CD58: variants seen among roughly 807,000 people sequenced by gnomAD.
The protein encoded by CD58 is lymphocyte function-associated antigen 3.
Under a neutral mutation model 27.6 loss-of-function variants are expected in CD58, and 14 were observed. The observed-to-expected ratio is 0.51, with a 90% CI of 0.34 to 0.79. The LOEUF (loss-of-function observed/expected upper bound fraction) is 0.79, where lower values mean the gene tolerates loss of function less well. Ranked by LOEUF, CD58 falls within the 30% of genes least tolerant of loss-of-function variation. The pLI, the probability that CD58 is intolerant of heterozygous loss-of-function variation, is 0.02. For synonymous variants in CD58, 117 were observed against 103.8 expected (o/e 1.13, Z -0.77); for missense variants, 268 against 301.7 (o/e 0.89, Z 0.83).
intron 2 of CD58, among the ~76,000 whole-genome samples, chr1:116,537,097 A>G (rs2429379): frequency 0.044 from 6,736 of 152,300 alleles, 201 homozygotes; most frequent in Non-Finnish European, 0.068. Flanking sequence ...CTTTATAAAA[A>G]GTTTAAAGAT....
Position 116,522,019 on chromosome 1 carries a change from G to A in CD58, c.629-36C>T. On this transcript the variant is annotated intron_variant, in intron 3 of 5. Coordinates refer to ENST00000369489, the MANE Select transcript of CD58 (RefSeq NM_001779.3). The surrounding 1 kb of genome is among the most constrained non-coding windows in gnomAD (Gnocchi z 4.6). ...GAAAAGAAAAGAAATTCAACTAGTT[G>A]AACTGATCAAAATGGATCCTCATTA... The A allele has an allele frequency of 8.6e-7, 1 of 1,163,318 alleles. No homozygotes were observed. The highest frequency in any genetic ancestry group is 2.4e-5 in the East Asian group (1 of 41,766). The allele number at this position is 1,163,318 out of a possible 1,614,324, so 72.1% of individuals were successfully genotyped here. A position where few individuals can be genotyped will look rare whatever the true frequency, so the allele number is the denominator to read the frequency against.
rs1194757969 is a variant in CD58 at position 116,517,158 on chromosome 1, AGAGACCT to A, written c.743+2066_743+2072del. Among the ~76,000 whole-genome samples the A allele has an allele frequency of 2.0e-5, 3 of 151,216 alleles. No individual in the cohort carries two copies. The highest frequency in any genetic ancestry group is 7.3e-5 in the African/African-American group (3 of 41,044). ...CCACTGTAACCACCTAGATCTCAGCAGAGACCTGACTTGGCTCTCACACTCACCTGGG... is the reference window on the plus strand; with the variant it reads ...CCACTGTAACCACCTAGATCTCAGCAGACTTGGCTCTCACACTCACCTGGG... On this transcript the variant is annotated intron_variant, in intron 5 of 5. Coordinates refer to ENST00000369489, the MANE Select transcript of CD58 (RefSeq NM_001779.3). This position sits in a 1 kb window ranked among gnomAD's most constrained non-coding sequence, Gnocchi z 6.5.
chr1:116,550,649 A>G lies in CD58; in HGVS notation c.71-6045T>C. 6.6e-6 allele frequency among the ~76,000 whole-genome samples: 1 copy of G among 152,130 alleles called. No individual in the cohort carries two copies. The highest frequency in any genetic ancestry group is 1.5e-5 in the Non-Finnish European group (1 of 68,022). ...TTCTTCCAAACTCCTGTTAATGTTGATATTTTGATCTTCTCCCATGAACCA... is the reference window on the plus strand; with the variant it reads ...TTCTTCCAAACTCCTGTTAATGTTGGTATTTTGATCTTCTCCCATGAACCA... On this transcript the variant is annotated intron_variant, in intron 1 of 5. Coordinates refer to ENST00000369489, the MANE Select transcript of CD58 (RefSeq NM_001779.3). The surrounding 1 kb of genome is among the most constrained non-coding windows in gnomAD (Gnocchi z 4.2).
In CD58 at chr1:116,517,996, TATTGAAA is replaced by T. The variant is rs968173337; in HGVS notation, c.743+1228_743+1234del. ...AACAATAGTCATAATGGCTAACATT[TATTGAAA>T]ACTATTATGAGCCAGCCACTATTGT... On this transcript the variant is annotated intron_variant, in intron 5 of 5. Coordinates refer to ENST00000369489, the MANE Select transcript of CD58 (RefSeq NM_001779.3). The surrounding 1 kb of genome is among the most constrained non-coding windows in gnomAD (Gnocchi z 6.5). 3.9e-5 allele frequency among the ~76,000 whole-genome samples: 6 copies of T among 152,250 alleles called. No homozygotes were observed. The highest frequency in any genetic ancestry group is 1.4e-4 in the African/African-American group (6 of 41,462).
At chr1:116,549,228 A>G (rs1658303733) in intron 1 of CD58, among the ~76,000 whole-genome samples, 1 of 152,240 alleles carries the variant, frequency 6.6e-6, no homozygotes, top group Admixed American at 6.5e-5. Flanking sequence ...GACAATGCCC[A>G]ACTGCAACTG....
chr1:116,532,560 A>T lies in CD58; in HGVS notation c.628+3405T>A, dbSNP rs1657649166. Among the ~76,000 whole-genome samples the T allele has an allele frequency of 6.6e-6, 1 of 152,220 alleles. No homozygotes were observed. The highest frequency in any genetic ancestry group is 2.1e-4 in the South Asian group (1 of 4,832). On this transcript the variant is annotated intron_variant, in intron 3 of 5. Coordinates refer to ENST00000369489, the MANE Select transcript of CD58 (RefSeq NM_001779.3). The surrounding 1 kb of genome is among the most constrained non-coding windows in gnomAD (Gnocchi z 5.1). Reference sequence around the variant, plus strand: ...CTGCAGGAGTGGTAGGAGAGGTTCTAGATCCCTGGAACCTCATCACCAGAC... The same window carrying T: ...CTGCAGGAGTGGTAGGAGAGGTTCTTGATCCCTGGAACCTCATCACCAGAC...
chr1:116,554,838 T>C (rs975420529), intron 1 of CD58, among the ~76,000 whole-genome samples: 4 of 152,188 alleles, frequency 2.6e-5, no homozygotes, highest in Admixed American at 2.6e-4. Context: ...AAGAACTGTC[T>C]CTAAAACTAA....
In CD58 at chr1:116,546,351, C is replaced by T. The variant is rs1028420639; in HGVS notation, c.71-1747G>A. 4.6e-5 allele frequency among the ~76,000 whole-genome samples: 7 copies of T among 152,126 alleles called. No individual in the cohort carries two copies. Among genetic ancestry groups the T allele is most frequent in the African/African-American group, 1.7e-4 (7 of 41,410 alleles). On this transcript the variant is annotated intron_variant, in intron 1 of 5. Transcript: ENST00000369489. The surrounding 1 kb of genome is among the most constrained non-coding windows in gnomAD (Gnocchi z 4.1). ...ATTTCAGATAAGAAGCAAATATCAC[C>T]CATTTGTTTATCTACAAGGACTTTT...
intron 1 of CD58, among the ~76,000 whole-genome samples, chr1:116,565,968 T>C (rs1006981443): frequency 5.3e-5 from 8 of 152,134 alleles, no homozygotes; most frequent in African/African-American, 1.9e-4. Flanking sequence ...CCGCCCGCCT[T>C]GGCCTCCCAA....
intron 3 of CD58, chr1:116,533,556 C>T: frequency 1.4e-6 from 1 of 719,622 alleles, no homozygotes; most frequent in East Asian, 2.8e-5. Context: ...CATCATATTC[C>T]TGGACTAATT....
At chr1:116,549,113 T>G (rs1404964725) in intron 1 of CD58, among the ~76,000 whole-genome samples, 1 of 152,226 alleles carries the variant, frequency 6.6e-6, no homozygotes, top group African/African-American at 2.4e-5. Flanking sequence ...AAATATTCAT[T>G]GGGCATCTAT....
chr1:116,540,366 T>C (rs1011113927), intron 2 of CD58, among the ~76,000 whole-genome samples: 1 of 149,384 alleles, frequency 6.7e-6, no homozygotes, highest in African/African-American at 2.5e-5. Context: ...AAAAAAAAAA[T>C]AGTATGACCA....
Position 116,544,558 on chromosome 1 carries a change from C to T in CD58, c.117G>A (p.Gly39=). The T allele has an allele frequency of 1.2e-6, 2 of 1,612,464 alleles. No homozygotes were observed. The highest frequency in any genetic ancestry group is 1.7e-6 in the Non-Finnish European group (2 of 1,178,978). The change falls in exon 2 of 6, where the codon GGG becomes GGA. Residue 39 remains glycine, a synonymous_variant. Transcript: ENST00000369489. The part of the protein sequence containing the change: ...FSQQIYGVVY[G]NVTFHVPSNV... ...TGCTTGGTACATGGAAAGTTACATT[C>T]CCATACACAACACCATATATTTGTT...
intron 1 of CD58, among the ~76,000 whole-genome samples, chr1:116,556,947 A>G (rs1299467115): frequency 6.6e-6 from 1 of 152,210 alleles, no homozygotes; most frequent in Non-Finnish European, 1.5e-5. Flanking sequence ...AAAAAGCCAG[A>G]TATTCACATT....
chr1:116,556,845 G>A (rs1160149528), intron 1 of CD58, among the ~76,000 whole-genome samples: 1 of 152,198 alleles, frequency 6.6e-6, no homozygotes, highest in Admixed American at 6.5e-5. Flanking sequence ...GAGCCTACAG[G>A]GAGGGGCCTG....
At chr1:116,562,623 TG>T (rs112125818) in intron 1 of CD58, among the ~76,000 whole-genome samples, 1 of 152,182 alleles carries the variant, frequency 6.6e-6, no homozygotes, top group African/African-American at 2.4e-5. Context: ...CTCACAATCA[TG>T]GCAGAAGGCA....
chr1:116,553,666 A>C (rs1054025441), intron 1 of CD58, among the ~76,000 whole-genome samples: 5 of 152,226 alleles, frequency 3.3e-5, no homozygotes, highest in Non-Finnish European at 5.9e-5. Flanking sequence ...TCTGTGAGAC[A>C]TCCAAGCAAA....
chr1:116,558,627 T>C (rs1480049475), intron 1 of CD58, among the ~76,000 whole-genome samples: 2 of 152,236 alleles, frequency 1.3e-5, no homozygotes, highest in East Asian at 3.8e-4. Context: ...AAAATGTGCT[T>C]ACCAGGCATG....
intron 1 of CD58, among the ~76,000 whole-genome samples, chr1:116,553,223 T>C (rs1001145182): frequency 3.3e-5 from 5 of 152,150 alleles, no homozygotes; most frequent in African/African-American, 9.7e-5. Flanking sequence ...ATCTGTATTA[T>C]AGTTTTTTTT....
Sources: gnomAD v4.1 joint callset for allele counts (sites outside exome capture counted in the v4.1 genomes callset) on GRCh38, gnomAD v4.1.1 for gene constraint, Gnocchi (gnomAD v3.1) non-coding constraint, MANE v1.5 for transcripts, NCBI Gene and HGNC (gene_info 2026-07-23, HGNC 2026-07-21) for gene names.